HEATR4: variants seen among roughly 807,000 people sequenced by gnomAD.
HEATR4 encodes the protein HEAT repeat-containing protein 4.
Under a neutral mutation model 108.8 loss-of-function variants are expected in HEATR4, and 95 were observed. The observed-to-expected ratio is 0.87, with a 90% CI of 0.74 to 1.04. HEATR4 has a LOEUF of 1.04. HEATR4 is among the 50% of genes least tolerant of loss of function. The probability of loss-of-function intolerance (pLI) is 0.00; values close to 1 mark genes in which losing one functional copy is unlikely to be tolerated. For synonymous variants in HEATR4, 443 were observed against 459.4 expected, an observed-to-expected ratio of 0.96 and a Z score of 0.46; for missense variants, 1,152 against 1,253.8, an observed-to-expected ratio of 0.92 and a Z score of 1.23.
At chr14:73,599,826 C>A in the HEATR4 span, among the ~76,000 whole-genome samples, 1 of 152,154 alleles carries the variant, frequency 6.6e-6, no homozygotes, top group Non-Finnish European at 1.5e-5. Flanking sequence ...ATAATTGTAA[C>A]CATCTTTGGC....
chr14:73,586,099 TAAAA>T, the HEATR4 span, among the ~76,000 whole-genome samples: 1 of 151,946 alleles, frequency 6.6e-6, no homozygotes, highest in East Asian at 1.9e-4. Flanking sequence ...TATTTTTACT[TAAAA>T]ATTTTTTAGG....
intron 17 of HEATR4, among the ~76,000 whole-genome samples, chr14:73,487,380 A>G (rs1885492629): frequency 6.6e-6 from 1 of 152,094 alleles, no homozygotes; most frequent in East Asian, 1.9e-4. Flanking sequence ...CAGCCTGGCC[A>G]ACATGGGAAA....
chr14:73,629,011 C>T, the HEATR4 span, among the ~76,000 whole-genome samples: 13 of 150,676 alleles, frequency 8.6e-5, no homozygotes, highest in Non-Finnish European at 1.6e-4. Context: ...GCCGAGATAA[C>T]GCCACTGCAC....
rs1371376682 is a variant in HEATR4 at position 73,488,901 on chromosome 14, A to C, written c.2844+4165T>G. Among the ~76,000 whole-genome samples, 4 of 152,112 alleles carry C rather than the reference A, an allele frequency of 2.6e-5. No homozygotes were observed. In the East Asian group the frequency reaches 5.8e-4, roughly 22 times the overall value. On this transcript the variant is annotated intron_variant, in intron 17 of 17. Coordinates refer to ENST00000553558, the MANE Select transcript of HEATR4 (RefSeq NM_001220484.1). ...AGCTTCGGTGGTAGCAGGTGCCTGT[A>C]ATCCCAGCTACCTGGGAGGCTGAGG...
chr14:73,525,589 C>T (rs972828758), intron 2 of HEATR4, among the ~76,000 whole-genome samples: 5 of 152,138 alleles, frequency 3.3e-5, no homozygotes, highest in South Asian at 2.1e-4. Context: ...TAGAGCAAGA[C>T]GGCCAAACAG....
chr14:73,519,032 G>A lies in HEATR4; in HGVS notation c.1201C>T (p.Pro401Ser). The A allele has an allele frequency of 6.2e-7, 1 of 1,612,552 alleles. No individual in the cohort carries two copies. ...TTAGCTTCCTGCTTACATGCTTCAGGAATTGCCTGGGCACTCCACTTTTCT... is the reference window on the plus strand; with the variant it reads ...TTAGCTTCCTGCTTACATGCTTCAGAAATTGCCTGGGCACTCCACTTTTCT... ...TPEKWSAQAI[P>S]EASYRPVQGA... Residue 401 changes from proline (P) to serine (S), a missense_variant, in exon 5 of 18, where the codon CCT becomes TCT. Pro to Ser is a moderately conservative substitution (Grantham distance 74, BLOSUM62 -1). Coordinates refer to ENST00000553558, the MANE Select transcript of HEATR4 (RefSeq NM_001220484.1).
chr14:73,536,882 G>A (rs547821808), intron 1 of HEATR4, among the ~76,000 whole-genome samples: 1 of 115,006 alleles, frequency 8.7e-6, no homozygotes, highest in African/African-American at 2.8e-5. Context: ...TTAGTAATGA[G>A]TGTGAATTAT....
intron 1 of HEATR4, among the ~76,000 whole-genome samples, chr14:73,539,970 A>AT (rs1889020557): frequency 8.6e-6 from 1 of 116,316 alleles, no homozygotes; most frequent in Non-Finnish European, 1.9e-5. Flanking sequence ...GGATACTTTT[A>AT]TATTACATAA....
intron 7 of HEATR4, among the ~76,000 whole-genome samples, chr14:73,509,749 G>C (rs1887081671): frequency 7.3e-6 from 1 of 136,830 alleles, no homozygotes; most frequent in Non-Finnish European, 1.5e-5. Flanking sequence ...TTTCCAGCTA[G>C]GCTACAGTGA....
At chr14:73,575,984 T>C in the HEATR4 span, among the ~76,000 whole-genome samples, 1 of 150,982 alleles carries the variant, frequency 6.6e-6, no homozygotes, top group Non-Finnish European at 1.5e-5. Flanking sequence ...AAACCCCATC[T>C]CTCCTAAAAA....
the HEATR4 span, among the ~76,000 whole-genome samples, chr14:73,577,786 G>A: frequency 3.7e-4 from 57 of 152,102 alleles, 1 homozygote; most frequent in Non-Finnish European, 6.5e-4. Context: ...GGCTGAGGCA[G>A]TAGGATTGCT....
chr14:73,586,018 A>AT, the HEATR4 span, among the ~76,000 whole-genome samples: 1 of 148,944 alleles, frequency 6.7e-6, no homozygotes, highest in Admixed American at 6.7e-5. Flanking sequence ...CAAAAAAAAA[A>AT]ACCAAAAAAA....
the HEATR4 span, chr14:73,569,935 G>C: frequency 7.7e-6 from 12 of 1,554,982 alleles, no homozygotes; most frequent in Non-Finnish European, 1.0e-5. Flanking sequence ...CACTTTGTGT[G>C]TCTCCCCCGC....
the HEATR4 span, among the ~76,000 whole-genome samples, chr14:73,596,920 A>G: frequency 6.6e-6 from 1 of 151,854 alleles, no homozygotes; most frequent in Admixed American, 6.6e-5. Flanking sequence ...TATTAATATA[A>G]GCGTATTTGA....
chr14:73,593,111 C>T, the HEATR4 span, among the ~76,000 whole-genome samples: 1 of 152,216 alleles, frequency 6.6e-6, no homozygotes, highest in African/African-American at 2.4e-5. Flanking sequence ...GTCGTCTTCT[C>T]TAGTGTTCTA....
chr14:73,619,236 G>A, the HEATR4 span: 19 of 1,554,612 alleles, frequency 1.2e-5, no homozygotes, highest in Non-Finnish European at 1.5e-5. Context: ...CTCAACAGGT[G>A]AAAGGTCCTA....
At chr14:73,562,327 A>G (rs557541492), upstream of HEATR4, among the ~76,000 whole-genome samples, 1 of 152,242 alleles carries the variant, frequency 6.6e-6, no homozygotes, top group East Asian at 1.9e-4. Flanking sequence ...CCTGTCTTTA[A>G]TATCTTAATC....
chr14:73,516,013 C>T (rs1328534104), intron 5 of HEATR4, among the ~76,000 whole-genome samples: 1 of 62,130 alleles, frequency 1.6e-5, no homozygotes, highest in Non-Finnish European at 2.6e-5. Context: ...TTGCGGTGAG[C>T]AAGTCTTAGA....
rs1887315647 is a variant in HEATR4 at position 73,512,260 on chromosome 14, C to T, written c.1415-111G>A. On this transcript the variant is annotated intron_variant, in intron 6 of 17. Coordinates refer to ENST00000553558, the MANE Select transcript of HEATR4 (RefSeq NM_001220484.1). ...TTCACCCAGAATAATTCAAGCAAAA[C>T]ATTAGCTCAGAAGAATAAAGGGCCC... 2.4e-6 allele frequency: 3 copies of T among 1,226,666 alleles called. No homozygotes were observed. The South Asian group carries it at 4.3e-5, about 18-fold the overall frequency. The allele number at this position is 1,226,666 out of a possible 1,614,324, so 76.0% of individuals were successfully genotyped here.
Sources: gnomAD v4.1 joint callset for allele counts (sites outside exome capture counted in the v4.1 genomes callset) on GRCh38, gnomAD v4.1.1 for gene constraint, MANE v1.5 for transcripts, NCBI Gene and HGNC (gene_info 2026-07-23, HGNC 2026-07-21) for gene names.